Variants in ABLIM2 observed in about 807,000 individuals in gnomAD.
The protein encoded by ABLIM2 is actin-binding LIM protein 2.
A neutral mutation model predicts 97.7 loss-of-function variants in ABLIM2; 53 were observed. That is an observed-to-expected ratio of 0.54 (90% CI 0.44 to 0.68). The LOEUF (loss-of-function observed/expected upper bound fraction) is 0.68, where lower values mean the gene tolerates loss of function less well. ABLIM2 is among the 30% of genes least tolerant of loss of function. The pLI is 0.00. For synonymous variants in ABLIM2, 361 were observed against 345.8 expected (o/e 1.04, Z -0.49); for missense variants, 835 against 867.2 (o/e 0.96, Z 0.47).
intron 14 of ABLIM2, among the ~76,000 whole-genome samples, chr4:8,016,582 G>A (rs1769406523): frequency 6.6e-6 from 1 of 152,148 alleles, no homozygotes; most frequent in South Asian, 2.1e-4. Context: ...CCTCCTGGGA[G>A]GGTTGCAGGT....
Position 8,108,435 on chromosome 4 carries a change from C to T in ABLIM2, c.11-1798G>A, listed in dbSNP as rs73075937. ...GAGCTCAGACAACACCTGCAGCTGCCGGCCCAGGAGTCAAGTCCGGCCACG... is the reference window on the plus strand; with the variant it reads ...GAGCTCAGACAACACCTGCAGCTGCTGGCCCAGGAGTCAAGTCCGGCCACG... On this transcript the variant is annotated intron_variant, in intron 1 of 20. Transcript: ENST00000447017. Among the ~76,000 whole-genome samples the T allele has an allele frequency of 3.0e-3, 455 of 152,312 alleles. 5 individuals carry two copies. The highest frequency in any genetic ancestry group is 0.01 in the African/African-American group (433 of 41,568).
intron 1 of ABLIM2, among the ~76,000 whole-genome samples, chr4:8,154,588 C>G (rs986785097): frequency 1.3e-5 from 2 of 152,228 alleles, no homozygotes; most frequent in African/African-American, 4.8e-5. Flanking sequence ...CCAATTAAAC[C>G]TGTTTTCTTA....
intron 1 of ABLIM2, among the ~76,000 whole-genome samples, chr4:8,117,094 C>T (rs554701312): frequency 1.3e-5 from 2 of 152,370 alleles, no homozygotes; most frequent in South Asian, 4.1e-4. Flanking sequence ...AGAGGAGGCA[C>T]TTGCCGTTTT....
chr4:8,119,019 C>A (rs1844039574), intron 1 of ABLIM2, among the ~76,000 whole-genome samples: 1 of 152,192 alleles, frequency 6.6e-6, no homozygotes, highest in African/African-American at 2.4e-5. Flanking sequence ...AGTCAGGGCA[C>A]CTCTCTGAAA....
At chr4:8,051,396 A>G (rs984881268) in intron 8 of ABLIM2, among the ~76,000 whole-genome samples, 1 of 143,778 alleles carries the variant, frequency 7.0e-6, no homozygotes, top group Admixed American at 7.0e-5. Context: ...AAAAAAAAAG[A>G]AAATACAAAA....
chr4:8,085,719 C>G lies in ABLIM2; in HGVS notation c.454+2450G>C, dbSNP rs757020739. ...CCCACGCTGCAGCCCCGTCCACTCA[C>G]GCGGGTCTGGGGGGTGCACCCAGCA... is the stretch of plus-strand genomic sequence containing the variant. On this transcript the variant is annotated intron_variant, in intron 4 of 20. Coordinates refer to ENST00000447017, the MANE Select transcript of ABLIM2 (RefSeq NM_001130083.2). This position sits in a 1 kb window ranked among gnomAD's most constrained non-coding sequence, Gnocchi z 6.1. 2.0e-5 allele frequency among the ~76,000 whole-genome samples: 3 copies of G among 152,086 alleles called. No individual in the cohort carries two copies. The highest frequency in any genetic ancestry group is 4.4e-5 in the Non-Finnish European group (3 of 68,006).
intron 15 of ABLIM2, among the ~76,000 whole-genome samples, chr4:8,008,419 G>A (rs1361596790): frequency 1.3e-5 from 2 of 152,184 alleles, no homozygotes; most frequent in African/African-American, 4.8e-5. Flanking sequence ...TGGGGGAAAC[G>A]GAGCTGCCCC....
rs1760927454 is a variant in ABLIM2 at position 8,005,832 on chromosome 4, C to T, written c.1618+2227G>A. On this transcript the variant is annotated intron_variant, in intron 16 of 20. Coordinates refer to ENST00000447017, the MANE Select transcript of ABLIM2 (RefSeq NM_001130083.2). The surrounding 1 kb of genome is among the most constrained non-coding windows in gnomAD (Gnocchi z 4.9). The stretch of plus-strand genomic sequence containing the variant: ...AGGAAGGACAGCATCATAGCCACAT[C>T]TTCATAAGCAGGCATGGCCAGGGGA... Among the ~76,000 whole-genome samples, 1 of 152,246 alleles carries T rather than the reference C, an allele frequency of 6.6e-6. No homozygotes were observed. The highest frequency in any genetic ancestry group is 2.1e-4 in the South Asian group (1 of 4,832).
rs895939107 is a variant in ABLIM2, at chr4:8,002,488, C to G, written c.1618+5571G>C. ...AGTCCACCGTCTATGCAGCTGCCTT[C>G]TGATGTTTTAAACACAGAAAATGCA... On this transcript the variant is annotated intron_variant, in intron 16 of 20. Transcript: ENST00000447017. This position sits in a 1 kb window ranked among gnomAD's most constrained non-coding sequence, Gnocchi z 6.1. Among the ~76,000 whole-genome samples the G allele has an allele frequency of 1.3e-5, 2 of 152,244 alleles. No homozygotes were observed. The highest frequency in any genetic ancestry group is 6.8e-3 in the Middle Eastern group (2 of 294).
chr4:8,139,326 A>G (rs2152942125), intron 1 of ABLIM2, among the ~76,000 whole-genome samples: 1 of 152,244 alleles, frequency 6.6e-6, no homozygotes, highest in Non-Finnish European at 1.5e-5. Flanking sequence ...ACAACCTATG[A>G]AATGGGAGAA....
intron 1 of ABLIM2, among the ~76,000 whole-genome samples, chr4:8,133,115 C>T (rs564077849): frequency 2.0e-5 from 3 of 152,154 alleles, no homozygotes; most frequent in Non-Finnish European, 2.9e-5. Context: ...AGCCTGCAGC[C>T]GCGTCACTCC....
intron 9 of ABLIM2, among the ~76,000 whole-genome samples, chr4:8,038,958 C>A (rs1786319447): frequency 6.6e-6 from 1 of 152,164 alleles, no homozygotes; most frequent in African/African-American, 2.4e-5. Context: ...ATGTGCCCCT[C>A]CCACACCTCT....
chr4:7,969,742 C>CACACACACACACACACACAT lies in ABLIM2; in HGVS notation c.1825-2640_1825-2639insATGTGTGTGTGTGTGTGTGT, dbSNP rs1256401591. On this transcript the variant is annotated intron_variant, in intron 20 of 20. Coordinates refer to ENST00000447017, the MANE Select transcript of ABLIM2 (RefSeq NM_001130083.2). Reference sequence around the variant, plus strand: ...TCTCTCTCTCTCTGACACACACACACACACACACACACACACACACACACA... The same window carrying CACACACACACACACACACAT: ...TCTCTCTCTCTCTGACACACACACACACACACACACACACACACATACACACACACACACACACACACACA... Among the ~76,000 whole-genome samples the CACACACACACACACACACAT allele has an allele frequency of 7.1e-4, 108 of 151,258 alleles. 1 individual carries two copies. Among genetic ancestry groups the CACACACACACACACACACAT allele is most frequent in the African/African-American group, 2.5e-3 (104 of 41,226 alleles).
chr4:8,047,900 A>G (rs1180059440), intron 8 of ABLIM2, among the ~76,000 whole-genome samples: 1 of 152,242 alleles, frequency 6.6e-6, no homozygotes, highest in South Asian at 2.1e-4. Flanking sequence ...TGCAAAGCAG[A>G]TGAACATTGG....
chr4:8,144,087 C>T (rs140105781), intron 1 of ABLIM2, among the ~76,000 whole-genome samples: 6 of 152,216 alleles, frequency 3.9e-5, no homozygotes, highest in Non-Finnish European at 8.8e-5. Context: ...GGTCCTCTTC[C>T]TCCCAAGTCC....
intron 14 of ABLIM2, among the ~76,000 whole-genome samples, chr4:8,009,506 C>T (rs1040110961): frequency 3.9e-5 from 6 of 152,312 alleles, no homozygotes; most frequent in Middle Eastern, 3.4e-3. Context: ...AAGCGATTCT[C>T]CTGCCTCAGC....
chr4:8,100,405 G>A (rs1833919752), intron 2 of ABLIM2, among the ~76,000 whole-genome samples: 1 of 152,146 alleles, frequency 6.6e-6, no homozygotes, highest in Non-Finnish European at 1.5e-5. Flanking sequence ...GTCCTCATGT[G>A]TAAAATAGAG....
chr4:8,027,711 G>T, intron 12 of ABLIM2, 48 bp downstream of exon 12: 1 of 1,423,134 alleles, frequency 7.0e-7, no homozygotes, highest in Non-Finnish European at 9.4e-7. Flanking sequence ...CAGACGCCGG[G>T]CGTGGACACC....
rs574793064 is a variant in ABLIM2 at position 8,085,412 on chromosome 4, G to C, written c.454+2757C>G. 3.9e-4 allele frequency among the ~76,000 whole-genome samples: 60 copies of C among 152,272 alleles called. No individual in the cohort carries two copies. The highest frequency in any genetic ancestry group is 6.2e-4 in the South Asian group (3 of 4,804). On this transcript the variant is annotated intron_variant, in intron 4 of 20. Transcript: ENST00000447017. The surrounding 1 kb of genome is among the most constrained non-coding windows in gnomAD (Gnocchi z 6.1). ...TGGCTTTGGAGGAAGCTGCCATCTG[G>C]TGTTGGTGTCTCAGTGCCATTCCCA...
Sources: gnomAD v4.1 joint callset for allele counts (sites outside exome capture counted in the v4.1 genomes callset) on GRCh38, gnomAD v4.1.1 for gene constraint, Gnocchi (gnomAD v3.1) non-coding constraint, MANE v1.5 for transcripts, NCBI Gene and HGNC (gene_info 2026-07-23, HGNC 2026-07-21) for gene names.